Variants in TMEM132D observed in about 807,000 individuals in gnomAD.
The protein encoded by TMEM132D is mature OL transmembrane protein.
Under a neutral mutation model 62.3 loss-of-function variants are expected in TMEM132D, and 21 were observed. That is an observed-to-expected ratio of 0.34 (90% CI 0.24 to 0.49). The LOEUF (loss-of-function observed/expected upper bound fraction) is 0.49, where lower values mean the gene tolerates loss of function less well. TMEM132D is among the 20% of genes least tolerant of loss of function. TMEM132D has a pLI of 0.99. For missense variants in TMEM132D, 1,346 were observed against 1,402.8 expected (o/e 0.96, Z 0.65); for synonymous variants, 621 against 575.6 (o/e 1.08, Z -1.13).
At chr12:129,490,492 G>C (rs1360472138) in intron 3 of TMEM132D, among the ~76,000 whole-genome samples, 2 of 131,530 alleles carry the variant, frequency 1.5e-5, no homozygotes, top group African/African-American at 5.9e-5. Flanking sequence ...GCAGTGGCGC[G>C]ATCTCGGCTC....
chr12:129,351,402 C>T (rs1195288709), intron 3 of TMEM132D, among the ~76,000 whole-genome samples: 1 of 152,226 alleles, frequency 6.6e-6, no homozygotes, highest in South Asian at 2.1e-4. Flanking sequence ...ACTGCTGCAG[C>T]TTTCAATAAT....
At chr12:129,430,710 C>A (rs547597042) in intron 3 of TMEM132D, among the ~76,000 whole-genome samples, 34 of 152,308 alleles carry the variant, frequency 2.2e-4, no homozygotes, top group Non-Finnish European at 4.4e-4. Context: ...ATTCAGTAGT[C>A]CCTGACATCA....
intron 5 of TMEM132D, among the ~76,000 whole-genome samples, chr12:129,091,315 C>A (rs939117182): frequency 4.0e-5 from 6 of 151,556 alleles, no homozygotes; most frequent in African/African-American, 1.5e-4. Flanking sequence ...TATATAGGCT[C>A]ACAAGGGCTC....
At chr12:129,825,785 C>T (rs1872647665) in intron 1 of TMEM132D, among the ~76,000 whole-genome samples, 1 of 152,130 alleles carries the variant, frequency 6.6e-6, no homozygotes, top group African/African-American at 2.4e-5. Context: ...GGGGTATAAC[C>T]AGGTGCAGTG....
chr12:129,203,999 A>G (rs1396715397), intron 5 of TMEM132D, among the ~76,000 whole-genome samples: 2 of 152,150 alleles, frequency 1.3e-5, no homozygotes, highest in East Asian at 3.9e-4. Context: ...ACCCCCTAGA[A>G]CCTCAAAGAA....
chr12:129,670,489 C>T (rs1880477212), intron 2 of TMEM132D, among the ~76,000 whole-genome samples: 1 of 152,014 alleles, frequency 6.6e-6, no homozygotes, highest in African/African-American at 2.4e-5. Context: ...ACTTGTGGCC[C>T]CCACCCAGGA....
chr12:129,317,223 TTGTTTTA>T (rs780437977), intron 4 of TMEM132D, among the ~76,000 whole-genome samples: 3 of 152,208 alleles, frequency 2.0e-5, no homozygotes, highest in Non-Finnish European at 4.4e-5. Flanking sequence ...ACTTGTAGTT[TTGTTTTA>T]TAAATCCTGT....
At chr12:129,737,606 C>T (rs534517024) in intron 1 of TMEM132D, among the ~76,000 whole-genome samples, 1 of 152,284 alleles carries the variant, frequency 6.6e-6, no homozygotes, top group East Asian at 1.9e-4. Flanking sequence ...CCACTCACCA[C>T]TCAGCTGATG....
At chr12:129,480,581 C>T (rs997361857) in intron 3 of TMEM132D, among the ~76,000 whole-genome samples, 9 of 152,254 alleles carry the variant, frequency 5.9e-5, no homozygotes, top group South Asian at 2.1e-4. Flanking sequence ...GTAATAGGGA[C>T]GTTCTCTAGC....
At chr12:129,125,902 G>T (rs1876198481) in intron 5 of TMEM132D, among the ~76,000 whole-genome samples, 1 of 152,126 alleles carries the variant, frequency 6.6e-6, no homozygotes, top group Non-Finnish European at 1.5e-5. Context: ...CCACTTTCTT[G>T]GTCAGAGATT....
At chr12:129,352,884 C>T (rs547857141) in intron 3 of TMEM132D, among the ~76,000 whole-genome samples, 2 of 152,140 alleles carry the variant, frequency 1.3e-5, no homozygotes, top group South Asian at 4.2e-4. Flanking sequence ...CCAGAAATAC[C>T]ACTTGACCCA....
At chr12:129,191,972 T>C (rs1878418022) in intron 5 of TMEM132D, among the ~76,000 whole-genome samples, 2 of 152,234 alleles carry the variant, frequency 1.3e-5, no homozygotes, top group African/African-American at 2.4e-5. Flanking sequence ...GTTACAAACA[T>C]TTTAATTTTG....
At chr12:129,391,452 G>T (rs1336615539) in intron 3 of TMEM132D, among the ~76,000 whole-genome samples, 1 of 152,088 alleles carries the variant, frequency 6.6e-6, no homozygotes. Context: ...TAAAGAAATG[G>T]CAATCTTCAG....
intron 7 of TMEM132D, among the ~76,000 whole-genome samples, chr12:129,081,259 G>A (rs374120150): frequency 1.8e-4 from 27 of 152,354 alleles, no homozygotes; most frequent in East Asian, 1.2e-3. Context: ...TAAGTAATAT[G>A]TGAGGAATTT....
intron 3 of TMEM132D, among the ~76,000 whole-genome samples, chr12:129,341,767 C>G (rs761061295): frequency 6.7e-6 from 1 of 148,964 alleles, no homozygotes; most frequent in Non-Finnish European, 1.5e-5. Flanking sequence ...CACAAGCATT[C>G]TTATACACCA....
Position 129,700,594 on chromosome 12 carries a change from G to A in TMEM132D, c.184C>T (p.Leu62=), listed in dbSNP as rs776494246. The A allele has an allele frequency of 1.1e-5, 17 of 1,613,928 alleles. No homozygotes were observed. In the Middle Eastern group the frequency reaches 4.9e-4, roughly 47 times the overall value. The change falls in exon 2 of 9, where the codon CTG becomes TTG. Residue 62 remains leucine (L), a synonymous_variant. Transcript: ENST00000422113. ...ATGATATCCTGGTTGGCCTCCTTCA[G>A]GAAGAAGGAGACGTCCGCGTTGTTG... ...HINNADVSFF[L]KEANQDIMRN... is the part of the protein sequence containing the mutation.
chr12:129,226,724 T>G (rs9804953), intron 4 of TMEM132D, among the ~76,000 whole-genome samples: 1 of 152,052 alleles, frequency 6.6e-6, no homozygotes, highest in Non-Finnish European at 1.5e-5. Context: ...TTGTGAAATG[T>G]TCTGTGAAGT....
intron 5 of TMEM132D, among the ~76,000 whole-genome samples, chr12:129,159,125 T>C (rs1278740427): frequency 6.6e-6 from 1 of 152,198 alleles, no homozygotes; most frequent in East Asian, 1.9e-4. Context: ...GTTTCAAATG[T>C]AGCTGAGACT....
rs1019534480 is a variant in TMEM132D at position 129,866,346 on chromosome 12, A to G, written c.79+36915T>C. 2.6e-5 allele frequency among the ~76,000 whole-genome samples: 4 copies of G among 151,858 alleles called. No individual in the cohort carries two copies. The East Asian group carries it at 5.8e-4, about 22-fold the overall frequency. On this transcript the variant is annotated intron_variant, in intron 1 of 8. Transcript: ENST00000422113. Reference sequence around the variant, plus strand: ...CTCTCAGCAAACTATCGCAAGGACAAAAAACCAAACACTGCATGTTCTCAC... The same window carrying G: ...CTCTCAGCAAACTATCGCAAGGACAGAAAACCAAACACTGCATGTTCTCAC...
Sources: allele counts gnomAD v4.1 joint callset (sites outside exome capture counted in the v4.1 genomes callset), GRCh38; gene constraint gnomAD v4.1.1; transcripts MANE v1.5; gene names NCBI Gene and HGNC (gene_info 2026-07-23, HGNC 2026-07-21).